Variants in ZC3H6 observed in about 807,000 individuals in gnomAD.
ZC3H6 encodes zinc finger CCCH-type containing 6.
ZC3H6 carries 40 observed loss-of-function variants against 107.7 expected under a neutral mutation model. The observed-to-expected ratio is 0.37, with a 90% CI of 0.29 to 0.48. The LOEUF (loss-of-function observed/expected upper bound fraction) is 0.48, where lower values mean the gene tolerates loss of function less well. ZC3H6 is among the 20% of genes least tolerant of loss of function. The pLI, the probability that ZC3H6 is intolerant of heterozygous loss-of-function variation, is 0.98. For synonymous variants in ZC3H6, 493 were observed against 487.9 expected, an observed-to-expected ratio of 1.01 and a Z score of -0.14; for missense variants, 1,267 against 1,410.4, an observed-to-expected ratio of 0.90 and a Z score of 1.63.
intron 1 of ZC3H6, among the ~76,000 whole-genome samples, chr2:112,295,232 T>G (rs980577996): frequency 6.6e-6 from 1 of 152,176 alleles, no homozygotes; most frequent in Non-Finnish European, 1.5e-5. Flanking sequence ...GCTCCTTTTT[T>G]AAAAAGGACA....
chr2:112,308,624 G>A (rs1676536364), intron 3 of ZC3H6, among the ~76,000 whole-genome samples: 1 of 150,030 alleles, frequency 6.7e-6, no homozygotes, highest in South Asian at 2.1e-4. Context: ...TAGAGACGGT[G>A]TTTCACCATG....
chr2:112,325,307 A>G (rs1676887548), intron 11 of ZC3H6, 110 bp downstream of exon 11: 2 of 954,066 alleles, frequency 2.1e-6, no homozygotes, highest in Middle Eastern at 2.3e-4. Context: ...CAACCTGGCC[A>G]ACATGGTGAA....
chr2:112,282,026 T>C (rs1306726564), intron 1 of ZC3H6, among the ~76,000 whole-genome samples: 1 of 152,198 alleles, frequency 6.6e-6, no homozygotes, highest in Non-Finnish European at 1.5e-5. Flanking sequence ...TTAAAATATC[T>C]GTATTTGAAA....
intron 3 of ZC3H6, among the ~76,000 whole-genome samples, chr2:112,308,996 GAGCCAA>G (rs1440471388): frequency 6.6e-6 from 1 of 152,006 alleles, no homozygotes; most frequent in Non-Finnish European, 1.5e-5. Context: ...AGGTCGCAGT[GAGCCAA>G]GATCATGCCA....
chr2:112,331,120 C>G lies in ZC3H6; in HGVS notation c.2202C>G (p.Ser734=). 1 of 1,613,192 alleles carries G rather than the reference C, an allele frequency of 6.2e-7. No individual in the cohort carries two copies. The highest frequency in any genetic ancestry group is 2.2e-5 in the East Asian group (1 of 44,854). Residue 734 remains serine, a synonymous_variant, in exon 12 of 12, where the codon TCC becomes TCG. Transcript: ENST00000409871. ...TETLRNQQQP[S]TELSTPTDPR... is the part of the protein sequence containing the mutation. ...CTTTAAGGAATCAGCAACAACCTTCCACAGAACTCAGCACTCCTACTGATC... is the reference window on the plus strand; with the variant it reads ...CTTTAAGGAATCAGCAACAACCTTCGACAGAACTCAGCACTCCTACTGATC...
At position 112,331,550 on chromosome 2, in the gene ZC3H6, G is replaced by T; in HGVS notation, c.2632G>T (p.Val878Leu). Residue 878 changes from valine (V) to leucine (L), a missense_variant, in exon 12 of 12, where the codon GTG becomes TTG. Physicochemically the swap from Val to Leu is conservative, Grantham distance 32 (BLOSUM62 1). Coordinates refer to ENST00000409871, the MANE Select transcript of ZC3H6 (RefSeq NM_198581.3). ...LTKPNFAKHI[V>L]WAPEDLLPVP... ...CAAACCCAACTTTGCAAAACACATC[G>T]TGTGGGCTCCCGAAGACTTACTTCC... 2 of 1,613,904 alleles carry T rather than the reference G, an allele frequency of 1.2e-6. No homozygotes were observed. Among genetic ancestry groups the T allele is most frequent in the Non-Finnish European group, 8.5e-7 (1 of 1,179,880 alleles).
chr2:112,283,405 C>T (rs1472619175), intron 1 of ZC3H6, among the ~76,000 whole-genome samples: 1 of 151,910 alleles, frequency 6.6e-6, no homozygotes, highest in Non-Finnish European at 1.5e-5. Context: ...TACCCACATT[C>T]TTGAATGGCA....
At chr2:112,307,286 G>T (rs1676493707) in intron 3 of ZC3H6, among the ~76,000 whole-genome samples, 1 of 152,102 alleles carries the variant, frequency 6.6e-6, no homozygotes, top group South Asian at 2.1e-4. Context: ...TTAAATTAGA[G>T]AACTTAATTT....
chr2:112,321,953 G>T (rs1573963226), intron 8 of ZC3H6, 88 bp downstream of exon 8: 1 of 563,776 alleles, frequency 1.8e-6, no homozygotes, highest in East Asian at 3.3e-5. Flanking sequence ...TTATGAAACT[G>T]CTGAGAAATT....
intron 2 of ZC3H6, among the ~76,000 whole-genome samples, chr2:112,302,290 C>T (rs75963216): frequency 0.064 from 9,697 of 152,056 alleles, 341 homozygotes; most frequent in Middle Eastern, 0.078. Flanking sequence ...TTCTTTATGT[C>T]ACCTATCAAA....
In ZC3H6 at chr2:112,324,622, A is replaced by G. The variant is rs1486523824; in HGVS notation, c.1811A>G (p.Gln604Arg). The change falls in exon 10 of 12, where the codon CAG becomes CGG. Residue 604 changes from glutamine to arginine, a missense_variant. Coordinates refer to ENST00000409871, the MANE Select transcript of ZC3H6 (RefSeq NM_198581.3). ...GAGTTTTACGATAATTACTATGCAC[A>G]GCATTCTATACATAATTTTCAGCCA... ...PAEFYDNYYA[Q>R]HSIHNFQPPN... 5 of 1,610,626 alleles carry G rather than the reference A, an allele frequency of 3.1e-6. No individual in the cohort carries two copies. Among genetic ancestry groups the G allele is most frequent in the Middle Eastern group, 1.7e-4 (1 of 6,054 alleles).
At chr2:112,318,475 A>G (rs1381170329) in intron 7 of ZC3H6, among the ~76,000 whole-genome samples, 2 of 152,252 alleles carry the variant, frequency 1.3e-5, no homozygotes, top group Non-Finnish European at 2.9e-5. Flanking sequence ...GAAGAGATAC[A>G]GATAATTCCC....
intron 11 of ZC3H6, among the ~76,000 whole-genome samples, chr2:112,325,986 A>T (rs965927396): frequency 3.9e-5 from 6 of 152,086 alleles, no homozygotes; most frequent in African/African-American, 1.4e-4. Context: ...CATGACATTT[A>T]TGAAAAACTA....
At chr2:112,313,827 AC>A (rs753401480) in intron 5 of ZC3H6, among the ~76,000 whole-genome samples, 19 of 152,240 alleles carry the variant, frequency 1.2e-4, no homozygotes, top group Non-Finnish European at 2.6e-4. Flanking sequence ...CCTTTCAGAG[AC>A]TATGAGAGTC....
chr2:112,317,994 T>C (rs1558954680), intron 7 of ZC3H6, among the ~76,000 whole-genome samples: 1 of 152,230 alleles, frequency 6.6e-6, no homozygotes, highest in Non-Finnish European at 1.5e-5. Context: ...CTGGACTTCG[T>C]GTTTGGCTCC....
intron 1 of ZC3H6, among the ~76,000 whole-genome samples, chr2:112,278,799 G>A (rs1000548663): frequency 6.6e-6 from 1 of 151,862 alleles, no homozygotes. Context: ...TTTTTTTCTC[G>A]TTTAAAGAAA....
In ZC3H6 at chr2:112,331,685, C is replaced by G. The variant is rs908494198; in HGVS notation, c.2767C>G (p.Gln923Glu). The G allele has an allele frequency of 2.5e-6, 4 of 1,613,766 alleles. No individual in the cohort carries two copies. In the East Asian group the frequency reaches 8.9e-5, roughly 36 times the overall value. Reference sequence around the variant, plus strand: ...ATGGAATACAAAAAGTGATCTTCATCAAAATACAGTGTCCATTGATCCAAA... The same window carrying G: ...ATGGAATACAAAAAGTGATCTTCATGAAAATACAGTGTCCATTGATCCAAA... ...RLWNTKSDLH[Q>E]NTVSIDPKLA... The change falls in exon 12 of 12, where the codon CAA becomes GAA. Residue 923 changes from glutamine (Q) to glutamate (E), a missense_variant. Around this residue, in one of 3 missense-constraint regions of ZC3H6, gnomAD observed 925 missense variants for 1,025.7 expected, o/e 0.90. Coordinates refer to ENST00000409871, the MANE Select transcript of ZC3H6 (RefSeq NM_198581.3).
chr2:112,321,107 A>G (rs906301013), intron 7 of ZC3H6, among the ~76,000 whole-genome samples: 1 of 152,056 alleles, frequency 6.6e-6, no homozygotes, highest in Admixed American at 6.5e-5. Context: ...TTCCCTGAAC[A>G]TACATCACCT....
chr2:112,338,367 C>T lies in ZC3H6; in HGVS notation c.*5879C>T, dbSNP rs181997710. ...TTTTCCCTTTTAAGTTATGATTTGA[C>T]TCTAATTTTGGGTCTTGTATCTGGT... On this transcript the variant is annotated 3_prime_UTR_variant, in exon 12 of 12. Transcript: ENST00000409871. 1.1e-4 allele frequency: 17 copies of T among 152,288 alleles called. No individual in the cohort carries two copies. Among genetic ancestry groups the T allele is most frequent in the Non-Finnish European group, 1.9e-4 (13 of 68,018 alleles). The allele number at this position is 152,288 out of a possible 1,614,324, so 9.4% of individuals were successfully genotyped here. A position where few individuals can be genotyped will look rare whatever the true frequency, so the allele number is the denominator to read the frequency against.
Sources: gnomAD v4.1 joint callset for allele counts (sites outside exome capture counted in the v4.1 genomes callset) on GRCh38, gnomAD v4.1.1 for gene constraint, gnomAD v4.1.1 regional missense constraint, MANE v1.5 for transcripts, NCBI Gene and HGNC (gene_info 2026-07-23, HGNC 2026-07-21) for gene names.